PBX4: variants seen among roughly 807,000 people sequenced by gnomAD.
The protein encoded by PBX4 is PBX homeobox 4.
A neutral mutation model predicts 35.1 loss-of-function variants in PBX4; 26 were observed. That is an observed-to-expected ratio of 0.74 (90% confidence interval 0.54 to 1.03). The LOEUF (loss-of-function observed/expected upper bound fraction) is 1.03. PBX4 is among the 50% of genes least tolerant of loss of function. The pLI, the probability that PBX4 is intolerant of heterozygous loss-of-function variation, is 0.00. For missense variants in PBX4, 448 were observed against 504.3 expected, an observed-to-expected ratio of 0.89 and a Z score of 1.07; for synonymous variants, 199 against 204.2, an observed-to-expected ratio of 0.97 and a Z score of 0.22.
Position 19,563,560 on chromosome 19 carries a change from C to T in PBX4, c.981G>A (p.Arg327=). Residue 327 remains arginine (R), a synonymous_variant, in exon 7 of 8, where the codon CGG becomes CGA. Transcript: ENST00000251203. The surrounding 1 kb of genome is among the most constrained non-coding windows in gnomAD (Gnocchi z 5.1). ...GAGGAGGCTGGAGAGAGGCCAGAGT[C>T]CGCAGGGTGAGGAAGGCGTCCCCAG... The part of the protein sequence containing the change: ...PSAGDAFLTL[R]TLASLQPPPG... 1.9e-6 allele frequency: 3 copies of T among 1,550,668 alleles called. No individual in the cohort carries two copies. The South Asian group carries it at 3.6e-5, about 18-fold the overall frequency.
Position 19,563,258 on chromosome 19 carries a change from C to T in PBX4, c.1032+251G>A, listed in dbSNP as rs1044707303. On this transcript the variant is annotated intron_variant, in intron 7 of 7. Transcript: ENST00000251203. The surrounding 1 kb of genome is among the most constrained non-coding windows in gnomAD (Gnocchi z 5.1). Reference sequence around the variant, plus strand: ...CCTTCCCCTCCACAGCCAAAGCCCTCATCTTGGGGTTCATCCCCACTGACT... The same window carrying T: ...CCTTCCCCTCCACAGCCAAAGCCCTTATCTTGGGGTTCATCCCCACTGACT... Among the ~76,000 whole-genome samples the T allele has an allele frequency of 6.6e-6, 1 of 152,192 alleles. No homozygotes were observed. The highest frequency in any genetic ancestry group is 1.5e-5 in the Non-Finnish European group (1 of 68,026).
chr19:19,571,709 T>C (rs925119237), intron 2 of PBX4, among the ~76,000 whole-genome samples: 7 of 152,174 alleles, frequency 4.6e-5, no homozygotes, highest in Non-Finnish European at 7.3e-5. Flanking sequence ...AGCCTGGAGC[T>C]GCAGCTTGTG....
chr19:19,609,639 A>G (rs955728554), intron 1 of PBX4, among the ~76,000 whole-genome samples: 1 of 151,604 alleles, frequency 6.6e-6, no homozygotes, highest in Non-Finnish European at 1.5e-5. Context: ...TCACGAGCTC[A>G]GGAGATCGAG....
chr19:19,572,552 G>T (rs893626702), intron 2 of PBX4, among the ~76,000 whole-genome samples: 3 of 150,140 alleles, frequency 2.0e-5, no homozygotes, highest in African/African-American at 7.4e-5. Context: ...CGATATCCTT[G>T]TAAGAATTTT....
intron 5 of PBX4, among the ~76,000 whole-genome samples, chr19:19,567,795 C>T (rs1372236516): frequency 1.3e-5 from 2 of 151,484 alleles, no homozygotes; most frequent in Non-Finnish European, 2.9e-5. Flanking sequence ...CACTCTCTAC[C>T]ACGTCACCTC....
Position 19,563,477 on chromosome 19 carries a change from C to T in PBX4, c.1032+32G>A, listed in dbSNP as rs1469409616. 5 of 1,477,060 alleles carry T rather than the reference C, an allele frequency of 3.4e-6. No individual in the cohort carries two copies. The highest frequency in any genetic ancestry group is 3.7e-6 in the Non-Finnish European group (4 of 1,090,144). The allele number at this position is 1,477,060 out of a possible 1,614,324, so 91.5% of individuals were successfully genotyped here. A position where few individuals can be genotyped will look rare whatever the true frequency, so the allele number is the denominator to read the frequency against. ...CCCTTTCTGAGAACCTACCACCCAC[C>T]TGGGCGCTGTGGGACAGTGCCTGAG... is the stretch of plus-strand genomic sequence containing the variant. On this transcript the variant is annotated intron_variant, in intron 7 of 7. Coordinates refer to ENST00000251203, the MANE Select transcript of PBX4 (RefSeq NM_025245.3). This position sits in a 1 kb window ranked among gnomAD's most constrained non-coding sequence, Gnocchi z 5.1.
intron 1 of PBX4, among the ~76,000 whole-genome samples, chr19:19,616,670 G>A (rs1258822474): frequency 1.3e-5 from 2 of 151,570 alleles, no homozygotes; most frequent in South Asian, 2.1e-4. Context: ...TTGGGTTCCA[G>A]TCTCCCTTTA....
intron 5 of PBX4, among the ~76,000 whole-genome samples, chr19:19,568,265 A>T (rs1218195058): frequency 0.069 from 2,731 of 39,494 alleles, 4 homozygotes; most frequent in Admixed American, 0.12. Context: ...TCCATCTGTA[A>T]CCCTCAGGGA....
At chr19:19,616,473 C>T (rs543723660) in intron 1 of PBX4, among the ~76,000 whole-genome samples, 8 of 151,980 alleles carry the variant, frequency 5.3e-5, no homozygotes, top group African/African-American at 1.9e-4. Flanking sequence ...TGCACCACCA[C>T]GCCCAGCTAA....
chr19:19,601,048 G>A (rs913451649), intron 1 of PBX4, among the ~76,000 whole-genome samples: 4 of 152,100 alleles, frequency 2.6e-5, no homozygotes, highest in African/African-American at 9.7e-5. Flanking sequence ...TACACATGTG[G>A]CAGTTAAGAG....
At chr19:19,590,715 C>T (rs906342257) in intron 2 of PBX4, among the ~76,000 whole-genome samples, 2 of 152,154 alleles carry the variant, frequency 1.3e-5, no homozygotes, top group African/African-American at 4.8e-5. Context: ...ATGATCCCCC[C>T]ACCTTGGCCT....
intron 1 of PBX4, among the ~76,000 whole-genome samples, chr19:19,610,892 C>T (rs2144791753): frequency 6.6e-6 from 1 of 152,312 alleles, no homozygotes; most frequent in South Asian, 2.1e-4. Context: ...AGTCAACTGG[C>T]ATCTAATTAA....
intron 2 of PBX4, among the ~76,000 whole-genome samples, chr19:19,591,451 G>T (rs2144755215): frequency 6.6e-6 from 1 of 152,350 alleles, no homozygotes; most frequent in African/African-American, 2.4e-5. Flanking sequence ...CTGATGTTAT[G>T]CATTATTTAC....
chr19:19,614,582 G>A (rs559408049), intron 1 of PBX4, among the ~76,000 whole-genome samples: 3 of 151,614 alleles, frequency 2.0e-5, no homozygotes, highest in Non-Finnish European at 4.4e-5. Flanking sequence ...TTGCTCACTA[G>A]CCGAGATCGC....
At chr19:19,605,813 C>T (rs938022586) in intron 1 of PBX4, among the ~76,000 whole-genome samples, 1 of 146,674 alleles carries the variant, frequency 6.8e-6, no homozygotes, top group Admixed American at 6.8e-5. Context: ...ATGAAGTTGG[C>T]TCTTCTGCTT....
At chr19:19,589,984 T>G (rs1313316360) in intron 2 of PBX4, among the ~76,000 whole-genome samples, 1 of 152,192 alleles carries the variant, frequency 6.6e-6, no homozygotes, top group Non-Finnish European at 1.5e-5. Context: ...TTCATAAGAA[T>G]GTGTATGTGC....
At chr19:19,593,582 C>G (rs908465941) in intron 2 of PBX4, among the ~76,000 whole-genome samples, 2 of 152,188 alleles carry the variant, frequency 1.3e-5, no homozygotes, top group Non-Finnish European at 2.9e-5. Flanking sequence ...ACTGACTGCA[C>G]TTCCTGATAT....
intron 5 of PBX4, among the ~76,000 whole-genome samples, chr19:19,566,686 G>A (rs1413757157): frequency 6.9e-6 from 1 of 145,798 alleles, no homozygotes; most frequent in East Asian, 2.0e-4. Flanking sequence ...TACCAAGCCT[G>A]GCTAATTTTT....
intron 2 of PBX4, among the ~76,000 whole-genome samples, chr19:19,585,790 C>A (rs1185667627): frequency 1.3e-5 from 2 of 152,062 alleles, no homozygotes; most frequent in Non-Finnish European, 2.9e-5. Context: ...TGAGATCCAC[C>A]CCCTGCCCAA....
Sources: gnomAD v4.1 joint callset for allele counts (sites outside exome capture counted in the v4.1 genomes callset) on GRCh38, gnomAD v4.1.1 for gene constraint, Gnocchi (gnomAD v3.1) non-coding constraint, MANE v1.5 for transcripts, NCBI Gene and HGNC (gene_info 2026-07-23, HGNC 2026-07-21) for gene names.